Variants in BMERB1 observed in about 807,000 individuals in gnomAD.
The protein encoded by BMERB1 is bMERB domain-containing protein 1.
BMERB1 carries 12 observed loss-of-function variants against 23.6 expected under a neutral mutation model. The observed-to-expected ratio is 0.51, with a 90% CI of 0.33 to 0.82. BMERB1 has a LOEUF of 0.82. Among genes scored for constraint, BMERB1 ranks in the 40% least tolerant of loss-of-function variants. The pLI is 0.03. For missense variants in BMERB1, 247 were observed against 255.4 expected, an observed-to-expected ratio of 0.97 and a Z score of 0.22; for synonymous variants, 122 against 96.6, an observed-to-expected ratio of 1.26 and a Z score of -1.54.
chr16:15,474,837 A>G (rs2150933047), intron 1 of BMERB1, among the ~76,000 whole-genome samples: 1 of 152,040 alleles, frequency 6.6e-6, no homozygotes, highest in South Asian at 2.1e-4. Context: ...ACAGGCATGC[A>G]CCACCACGTC....
chr16:15,501,428 G>A (rs528085656), intron 1 of BMERB1, among the ~76,000 whole-genome samples: 2 of 151,040 alleles, frequency 1.3e-5, no homozygotes, highest in South Asian at 2.1e-4. Flanking sequence ...GAGTAGCTAC[G>A]ATTATAGTCA....
chr16:15,529,341 A>T (rs1486347582), intron 2 of BMERB1, among the ~76,000 whole-genome samples: 1 of 151,992 alleles, frequency 6.6e-6, no homozygotes, highest in African/African-American at 2.4e-5. Flanking sequence ...TGTTGTTTAT[A>T]AGCCACCTAG....
intron 3 of BMERB1, among the ~76,000 whole-genome samples, chr16:15,573,844 T>A (rs1024316462): frequency 6.8e-6 from 1 of 146,452 alleles, no homozygotes. Context: ...TCAGGAAACT[T>A]ACAATCATGG....
At chr16:15,499,761 C>T (rs1167699615) in intron 1 of BMERB1, among the ~76,000 whole-genome samples, 3 of 152,154 alleles carry the variant, frequency 2.0e-5, no homozygotes, top group South Asian at 4.1e-4. Flanking sequence ...ATTTGGAAGA[C>T]GAGCTTTTCT....
chr16:15,462,308 C>T (rs1241936781), intron 1 of BMERB1, among the ~76,000 whole-genome samples: 4 of 151,810 alleles, frequency 2.6e-5, no homozygotes, highest in Admixed American at 1.3e-4. Flanking sequence ...CCCACCACCA[C>T]GCCTGGCTAA....
In BMERB1 at chr16:15,587,748, T is replaced by C. The variant is rs567321109; in HGVS notation, c.*919T>C. 1.4e-5 allele frequency: 4 copies of C among 279,046 alleles called. No homozygotes were observed. Among genetic ancestry groups the C allele is most frequent in the East Asian group, 1.1e-4 (1 of 9,048 alleles). 17.3% of individuals were successfully genotyped at this position (279,046 alleles called of 1,614,324 possible). ...GCAGGAGAGGCAGCGTGTGACCAGA[T>C]TGTGTCCCGTCATTGGGTGGCATAT... is the stretch of plus-strand genomic sequence containing the variant. On this transcript the variant is annotated 3_prime_UTR_variant, in exon 6 of 6. Transcript: ENST00000300006.
intron 1 of BMERB1, among the ~76,000 whole-genome samples, chr16:15,467,071 G>A (rs892965822): frequency 3.3e-5 from 5 of 152,086 alleles, no homozygotes; most frequent in Non-Finnish European, 7.4e-5. Context: ...TTGTATGGAT[G>A]TACCATGGTT....
At chr16:15,496,046 T>C (rs1286851935) in intron 1 of BMERB1, among the ~76,000 whole-genome samples, 2 of 151,838 alleles carry the variant, frequency 1.3e-5, no homozygotes, top group Non-Finnish European at 2.9e-5. Context: ...GGGGTGGTAA[T>C]GATGGTGGTG....
chr16:15,504,799 A>C (rs1176815208), intron 1 of BMERB1, among the ~76,000 whole-genome samples: 1 of 152,140 alleles, frequency 6.6e-6, no homozygotes, highest in East Asian at 1.9e-4. Context: ...AGTATATTTA[A>C]AAACCCAAAC....
intron 1 of BMERB1, among the ~76,000 whole-genome samples, chr16:15,457,586 C>T (rs114061254): frequency 0.018 from 2,725 of 152,200 alleles, 111 homozygotes; most frequent in African/African-American, 0.063. Flanking sequence ...TCTCCCTCCA[C>T]GTGCCCAGCC....
At chr16:15,465,270 A>G (rs2051171075) in intron 1 of BMERB1, among the ~76,000 whole-genome samples, 1 of 152,104 alleles carries the variant, frequency 6.6e-6, no homozygotes, top group Non-Finnish European at 1.5e-5. Context: ...ATTCTCTCCA[A>G]ATAAAAAGCT....
intron 1 of BMERB1, among the ~76,000 whole-genome samples, chr16:15,472,808 T>C (rs1270824499): frequency 6.6e-6 from 1 of 152,100 alleles, no homozygotes; most frequent in African/African-American, 2.4e-5. Flanking sequence ...CCTTCTCTGC[T>C]TCTCTTTTCC....
intron 1 of BMERB1, among the ~76,000 whole-genome samples, chr16:15,493,702 G>A (rs777490177): frequency 8.6e-5 from 13 of 151,436 alleles, no homozygotes; most frequent in African/African-American, 2.9e-4. Flanking sequence ...TCCCCCCTCC[G>A]CAGACCACCC....
rs985152774 is a variant in BMERB1 at position 15,435,498 on chromosome 16, C to G, written c.106+739C>G. On this transcript the variant is annotated intron_variant, in intron 1 of 5. Coordinates refer to ENST00000300006, the MANE Select transcript of BMERB1 (RefSeq NM_033201.3). ...AGGATACAATAGTTGAAACTCCTGC[C>G]CTCAAAGTGTAGAGGCAGCGTCAGG... 3.5e-4 allele frequency among the ~76,000 whole-genome samples: 54 copies of G among 152,182 alleles called. 2 individuals carry two copies. The highest frequency in any genetic ancestry group is 5.9e-5 in the Non-Finnish European group (4 of 68,040).
chr16:15,462,983 A>C (rs1489471283), intron 1 of BMERB1, among the ~76,000 whole-genome samples: 1 of 152,196 alleles, frequency 6.6e-6, no homozygotes, highest in Non-Finnish European at 1.5e-5. Context: ...GGAGAGTTTC[A>C]AAAACTGGAA....
intron 1 of BMERB1, among the ~76,000 whole-genome samples, chr16:15,479,344 A>G (rs1035040771): frequency 4.6e-5 from 7 of 152,226 alleles, no homozygotes; most frequent in African/African-American, 1.7e-4. Context: ...CCAATACATG[A>G]TATTCCAAAA....
intron 1 of BMERB1, among the ~76,000 whole-genome samples, chr16:15,461,505 C>T (rs1416676748): frequency 3.3e-5 from 5 of 151,992 alleles, no homozygotes; most frequent in East Asian, 1.9e-4. Context: ...GCTAAGAGCC[C>T]GGAATAAAAC....
intron 3 of BMERB1, among the ~76,000 whole-genome samples, chr16:15,573,540 C>T (rs758580344): frequency 6.6e-6 from 1 of 151,962 alleles, no homozygotes; most frequent in Non-Finnish European, 1.5e-5. Flanking sequence ...GTTGGGGCCA[C>T]AAGGTCAGAT....
At chr16:15,499,899 C>G (rs928983902) in intron 1 of BMERB1, among the ~76,000 whole-genome samples, 1 of 152,154 alleles carries the variant, frequency 6.6e-6, no homozygotes, top group Non-Finnish European at 1.5e-5. Context: ...AGTAAGGAAA[C>G]AAAGGGATGA....
Sources: gnomAD v4.1 joint callset for allele counts (sites outside exome capture counted in the v4.1 genomes callset) on GRCh38, gnomAD v4.1.1 for gene constraint, MANE v1.5 for transcripts, NCBI Gene and HGNC (gene_info 2026-07-23, HGNC 2026-07-21) for gene names.